PDS5B: variants seen among roughly 807,000 people sequenced by gnomAD.
The protein encoded by PDS5B is PDS5 cohesin associated factor B, also known as sister chromatid cohesion protein PDS5 homolog B.
A neutral mutation model predicts 184.1 loss-of-function variants in PDS5B; 51 were observed. The observed-to-expected ratio is 0.28, with a 90% CI of 0.22 to 0.35. The LOEUF is 0.35. PDS5B is among the 10% of genes least tolerant of loss of function. The pLI, the probability that PDS5B is intolerant of heterozygous loss-of-function variation, is 1.00. For synonymous variants in PDS5B, 566 were observed against 569.2 expected (o/e 0.99, Z 0.08); for missense variants, 1,180 against 1,723.3 (o/e 0.68, Z 5.58).
At chr13:32,609,513 G>A (rs994152615) in intron 1 of PDS5B, among the ~76,000 whole-genome samples, 4 of 152,292 alleles carry the variant, frequency 2.6e-5, no homozygotes, top group African/African-American at 9.6e-5. Flanking sequence ...GCCTGGTGGG[G>A]TGAACCAAGC....
intron 1 of PDS5B, among the ~76,000 whole-genome samples, chr13:32,600,574 C>A (rs951871388): frequency 6.6e-6 from 1 of 152,164 alleles, no homozygotes; most frequent in South Asian, 2.1e-4. Context: ...AACCCTGTCT[C>A]TACAAAAATA....
chr13:32,746,585 T>C (rs1313365286), intron 24 of PDS5B, among the ~76,000 whole-genome samples: 2 of 152,330 alleles, frequency 1.3e-5, no homozygotes, highest in African/African-American at 2.4e-5. Context: ...ATCAGAGCCT[T>C]CTTGTGCTTT....
intron 1 of PDS5B, among the ~76,000 whole-genome samples, chr13:32,609,638 A>C (rs1053014363): frequency 6.6e-6 from 1 of 152,222 alleles, no homozygotes; most frequent in African/African-American, 2.4e-5. Context: ...GGTGTCCCAG[A>C]GGAACTCCTA....
intron 1 of PDS5B, among the ~76,000 whole-genome samples, chr13:32,598,647 A>G (rs1215001827): frequency 1.3e-5 from 2 of 152,180 alleles, no homozygotes; most frequent in East Asian, 1.9e-4. Flanking sequence ...TTAATGTTGC[A>G]TAATGCATAG....
chr13:32,646,465 G>A (rs1268858156), intron 1 of PDS5B, among the ~76,000 whole-genome samples: 1 of 113,414 alleles, frequency 8.8e-6, no homozygotes. Flanking sequence ...TTTCTGTTTT[G>A]GCAACTGAAT....
chr13:32,646,379 T>TTG, intron 1 of PDS5B, among the ~76,000 whole-genome samples: 1 of 58,034 alleles, frequency 1.7e-5, no homozygotes, highest in South Asian at 3.7e-4. Flanking sequence ...GTTTTTTTTT[T>TTG]TTTTTTTTTT....
intron 19 of PDS5B, among the ~76,000 whole-genome samples, chr13:32,716,493 G>A (rs1352077224): frequency 4.0e-5 from 6 of 151,696 alleles, no homozygotes; most frequent in South Asian, 4.2e-4. Context: ...AGTGAGGAGC[G>A]CCTCCGCCCA....
chr13:32,633,547 T>G (rs896301266), intron 1 of PDS5B, among the ~76,000 whole-genome samples: 3 of 152,222 alleles, frequency 2.0e-5, no homozygotes, highest in Admixed American at 1.3e-4. Flanking sequence ...TTTAGTAATA[T>G]TAATCCGTAT....
chr13:32,731,054 G>C (rs1953104060), intron 19 of PDS5B, among the ~76,000 whole-genome samples: 1 of 151,832 alleles, frequency 6.6e-6, no homozygotes, highest in African/African-American at 2.4e-5. Context: ...TCCAGCTTTT[G>C]CCCATTCAGT....
chr13:32,762,498 C>T (rs1424725577), intron 30 of PDS5B, among the ~76,000 whole-genome samples: 1 of 152,096 alleles, frequency 6.6e-6, no homozygotes, highest in Non-Finnish European at 1.5e-5. Context: ...CAAAGTGACC[C>T]TTTAGTTATA....
At chr13:32,753,244 TCTTTA>T in intron 24 of PDS5B, 83 bp from the exon 25 acceptor site, 1 of 1,016,828 alleles carries the variant, frequency 9.8e-7, no homozygotes, top group Non-Finnish European at 1.5e-6. Context: ...TACTGTTTAC[TCTTTA>T]CTTAAAATAG....
intron 1 of PDS5B, among the ~76,000 whole-genome samples, chr13:32,587,207 G>C (rs2057700490): frequency 6.7e-6 from 1 of 149,716 alleles, no homozygotes; most frequent in African/African-American, 2.5e-5. Flanking sequence ...CCTGGCCTCC[G>C]CTTCGGGCCA....
chr13:32,652,431 T>C (rs1667101212), intron 3 of PDS5B: 1 of 159,334 alleles, frequency 6.3e-6, no homozygotes, highest in South Asian at 1.7e-4. Flanking sequence ...TAAATTGTGT[T>C]ATACATTGTT....
chr13:32,663,964 C>G (rs1388573162), intron 6 of PDS5B, among the ~76,000 whole-genome samples: 1 of 152,168 alleles, frequency 6.6e-6, no homozygotes, highest in Non-Finnish European at 1.5e-5. Context: ...AATGAGAACA[C>G]ACAGTATTTG....
At chr13:32,755,439 C>T (rs1593612948) in intron 25 of PDS5B, among the ~76,000 whole-genome samples, 2 of 152,128 alleles carry the variant, frequency 1.3e-5, no homozygotes, top group South Asian at 2.1e-4. Context: ...TTATTTTGCT[C>T]AGCAGCTTAC....
Position 32,706,990 on chromosome 13 carries a change from A to G in PDS5B, c.1913A>G (p.Glu638Gly). Residue 638 changes from glutamate to glycine, a missense_variant, in exon 18 of 35, where the codon GAG (glutamate) becomes GGG (glycine). Coordinates refer to ENST00000315596, the MANE Select transcript of PDS5B (RefSeq NM_015032.4). ...SIDGTADDED[E>G]GVPTDQAIRA... ...GATGGAACAGCAGATGATGAAGATG[A>G]GGGTGTTCCAACTGATCAAGCCATC... 1 of 1,611,892 alleles carries G rather than the reference A, an allele frequency of 6.2e-7. No individual in the cohort carries two copies. The highest frequency in any genetic ancestry group is 8.5e-7 in the Non-Finnish European group (1 of 1,178,956).
At chr13:32,762,640 A>G (rs1375535182) in intron 30 of PDS5B, among the ~76,000 whole-genome samples, 1 of 152,134 alleles carries the variant, frequency 6.6e-6, no homozygotes, top group African/African-American at 2.4e-5. Context: ...TAATTCACCC[A>G]GGCAGAAAGC....
At chr13:32,769,921 T>A (rs1954720368) in intron 31 of PDS5B, among the ~76,000 whole-genome samples, 200 bp from the exon 32 acceptor site, 1 of 152,162 alleles carries the variant, frequency 6.6e-6, no homozygotes, top group Admixed American at 6.5e-5. Flanking sequence ...AGTGCAAATG[T>A]ACCCTTTTAT....
Position 32,776,991 on chromosome 13 carries a change from C to T in PDS5B, c.*1939C>T, listed in dbSNP as rs1274274737. 1.3e-5 allele frequency: 2 copies of T among 152,336 alleles called. No individual in the cohort carries two copies. The highest frequency in any genetic ancestry group is 6.6e-5 in the Admixed American group (1 of 15,252). The allele number at this position is 152,336 out of a possible 1,614,324, so 9.4% of individuals were successfully genotyped here. A position where few individuals can be genotyped will look rare whatever the true frequency, so the allele number is the denominator to read the frequency against. On this transcript the variant is annotated 3_prime_UTR_variant, in exon 35 of 35. Coordinates refer to ENST00000315596, the MANE Select transcript of PDS5B (RefSeq NM_015032.4). ...TTGGTTTTGAAATGTTTCCTTAGCT[C>T]GGTTCTCCCAAACACATAATTTCTG...
Sources: gnomAD v4.1 joint callset for allele counts (sites outside exome capture counted in the v4.1 genomes callset) on GRCh38, gnomAD v4.1.1 for gene constraint, MANE v1.5 for transcripts, NCBI Gene and HGNC (gene_info 2026-07-23, HGNC 2026-07-21) for gene names.